CRACD: variants seen among roughly 807,000 people sequenced by gnomAD.
CRACD encodes capping protein inhibiting regulator of actin dynamics, also known as capping protein-inhibiting regulator of actin dynamics.
In CRACD, 56 loss-of-function variants were observed where a neutral mutation model predicts 106.8. The ratio of observed to expected loss-of-function variants is 0.52; its 90% CI spans 0.42 to 0.66. The LOEUF (loss-of-function observed/expected upper bound fraction) is 0.66. Among genes scored for constraint, CRACD ranks in the 30% least tolerant of loss-of-function variants. The probability of loss-of-function intolerance (pLI) is 0.00; values close to 1 mark genes in which losing one functional copy is unlikely to be tolerated. For missense variants in CRACD, 1,730 were observed against 1,623.2 expected (o/e 1.07, Z -1.13); for synonymous variants, 754 against 670.8 (o/e 1.12, Z -1.92).
chr4:56,179,882 T>A (rs901632665), intron 2 of CRACD, among the ~76,000 whole-genome samples: 17 of 151,956 alleles, frequency 1.1e-4, no homozygotes, highest in African/African-American at 4.1e-4. Context: ...TCAGGTGTGG[T>A]GGTGGGCACC....
intron 2 of CRACD, among the ~76,000 whole-genome samples, chr4:56,214,087 G>A (rs1738538049): frequency 6.6e-6 from 1 of 151,994 alleles, no homozygotes; most frequent in Non-Finnish European, 1.5e-5. Context: ...ATCCTGGGTG[G>A]CTTATAAACA....
chr4:56,202,655 G>T (rs2109476467), intron 2 of CRACD, among the ~76,000 whole-genome samples: 1 of 152,154 alleles, frequency 6.6e-6, no homozygotes, highest in African/African-American at 2.4e-5. Flanking sequence ...TAATGAATAG[G>T]TTTTAAAAAA....
intron 1 of CRACD, among the ~76,000 whole-genome samples, chr4:56,104,136 C>T (rs868738726): frequency 2.1e-4 from 32 of 152,356 alleles, no homozygotes; most frequent in African/African-American, 6.0e-4. Context: ...GTAGCTCATG[C>T]CGGTGATCCC....
At chr4:56,284,412 A>G (rs931701519) in intron 3 of CRACD, among the ~76,000 whole-genome samples, 1 of 151,796 alleles carries the variant, frequency 6.6e-6, no homozygotes, top group Admixed American at 6.6e-5. Context: ...TGGAGATAAG[A>G]TGGTATCACT....
intron 1 of CRACD, among the ~76,000 whole-genome samples, chr4:56,054,310 A>C (rs535295271): frequency 6.6e-6 from 1 of 152,188 alleles, no homozygotes; most frequent in South Asian, 2.1e-4. Context: ...CCTCCTGAAT[A>C]GCTGGGACCA....
intron 3 of CRACD, among the ~76,000 whole-genome samples, chr4:56,282,767 G>A (rs1320670176): frequency 6.6e-6 from 1 of 152,190 alleles, no homozygotes; most frequent in Non-Finnish European, 1.5e-5. Context: ...ACAGAAAGAA[G>A]GCAGTCCCTG....
At chr4:56,224,751 C>T (rs1186757169) in intron 2 of CRACD, among the ~76,000 whole-genome samples, 1 of 152,156 alleles carries the variant, frequency 6.6e-6, no homozygotes, top group Non-Finnish European at 1.5e-5. Context: ...ATACTTAATC[C>T]TGCTTCAAAC....
intron 1 of CRACD, among the ~76,000 whole-genome samples, chr4:56,116,240 C>T (rs946948966): frequency 6.6e-6 from 1 of 152,040 alleles, no homozygotes; most frequent in Non-Finnish European, 1.5e-5. Flanking sequence ...GTTCTGGTCT[C>T]CTAATGGCAT....
chr4:56,126,449 G>C (rs957356291), intron 1 of CRACD, among the ~76,000 whole-genome samples: 1 of 152,150 alleles, frequency 6.6e-6, no homozygotes, highest in African/African-American at 2.4e-5. Flanking sequence ...CTTGTTGAAG[G>C]TTGAATGAAC....
At chr4:56,093,950 A>G (rs1391442224) in intron 1 of CRACD, among the ~76,000 whole-genome samples, 1 of 152,180 alleles carries the variant, frequency 6.6e-6, no homozygotes, top group Non-Finnish European at 1.5e-5. Context: ...TAGTTTTGAT[A>G]ATTGGCTTGA....
At chr4:56,100,245 G>A (rs117113535) in intron 1 of CRACD, among the ~76,000 whole-genome samples, 8 of 152,198 alleles carry the variant, frequency 5.3e-5, no homozygotes, top group Middle Eastern at 3.4e-3. Flanking sequence ...TCCATCTTGC[G>A]GGGACGGGGG....
chr4:56,283,568 G>A (rs373791504), intron 3 of CRACD, among the ~76,000 whole-genome samples: 11 of 152,120 alleles, frequency 7.2e-5, no homozygotes, highest in East Asian at 3.9e-4. Flanking sequence ...CCAATCACAT[G>A]TTCTCCCCTA....
At chr4:56,103,319 G>A (rs1343755354) in intron 1 of CRACD, among the ~76,000 whole-genome samples, 1 of 152,188 alleles carries the variant, frequency 6.6e-6, no homozygotes, top group African/African-American at 2.4e-5. Flanking sequence ...ATAAAAAAGA[G>A]GGCTGGGTGC....
intron 1 of CRACD, among the ~76,000 whole-genome samples, chr4:56,088,133 T>C (rs1733292509): frequency 2.1e-5 from 1 of 46,690 alleles, no homozygotes; most frequent in Non-Finnish European, 3.7e-5. Context: ...AGATTGTTTC[T>C]TTTTTTTTTT....
chr4:56,284,639 T>C (rs973553522), intron 3 of CRACD, among the ~76,000 whole-genome samples: 2 of 152,072 alleles, frequency 1.3e-5, no homozygotes, highest in Admixed American at 6.6e-5. Context: ...GTAGGAGAAT[T>C]GCTTGAACCC....
intron 4 of CRACD, among the ~76,000 whole-genome samples, chr4:56,304,110 C>T (rs1744528119): frequency 6.6e-6 from 1 of 152,132 alleles, no homozygotes; most frequent in South Asian, 2.1e-4. Context: ...CCTCTGCCCT[C>T]CCCTGCCAAC....
intron 3 of CRACD, among the ~76,000 whole-genome samples, chr4:56,285,837 T>G (rs763388703): frequency 1.2e-4 from 19 of 152,156 alleles, no homozygotes; most frequent in Non-Finnish European, 2.2e-4. Context: ...TTAAGGAAAC[T>G]GAGGCACCTG....
At position 56,210,838 on chromosome 4, in the gene CRACD, C is replaced by T. The variant is rs535007949; in HGVS notation, c.-189+31408C>T. 1.1e-4 allele frequency among the ~76,000 whole-genome samples: 16 copies of T among 152,188 alleles called. No individual in the cohort carries two copies. In the South Asian group the frequency reaches 3.3e-3, roughly 32 times the overall value. ...TGTAATTACTGAGTTTAGGGTGGTGCCCATTAAGGAACAGAGCAAAGGAAG... is the reference window on the plus strand; with the variant it reads ...TGTAATTACTGAGTTTAGGGTGGTGTCCATTAAGGAACAGAGCAAAGGAAG... On this transcript the variant is annotated intron_variant, in intron 2 of 10. Coordinates refer to ENST00000682029, the MANE Select transcript of CRACD (RefSeq NM_001393381.1).
intron 1 of CRACD, among the ~76,000 whole-genome samples, chr4:56,127,894 G>A (rs1471829742): frequency 1.3e-5 from 2 of 152,200 alleles, no homozygotes; most frequent in Non-Finnish European, 2.9e-5. Flanking sequence ...CAGCTCCAAG[G>A]CAGCACATAT....
Sources: gnomAD v4.1 joint callset for allele counts (sites outside exome capture counted in the v4.1 genomes callset) on GRCh38, gnomAD v4.1.1 for gene constraint, MANE v1.5 for transcripts, NCBI Gene and HGNC (gene_info 2026-07-23, HGNC 2026-07-21) for gene names.